COL25A1: variants seen among roughly 807,000 people sequenced by gnomAD.
COL25A1 encodes the protein collagen alpha-1(XXV) chain.
COL25A1 carries 103 observed loss-of-function variants against 128.4 expected under a neutral mutation model. The observed-to-expected ratio is 0.80, with a 90% CI of 0.68 to 0.94. The LOEUF is 0.94. COL25A1 is among the 40% of genes least tolerant of loss of function. The pLI is 0.00. For synonymous variants in COL25A1, 279 were observed against 277.2 expected (o/e 1.01, Z -0.06); for missense variants, 745 against 840.0 (o/e 0.89, Z 1.40).
intron 3 of COL25A1, among the ~76,000 whole-genome samples, chr4:109,211,290 C>CATA: frequency 9.8e-6 from 1 of 102,546 alleles, no homozygotes; most frequent in East Asian, 3.4e-4. Flanking sequence ...ATATATGAAA[C>CATA]TATATATATA....
intron 8 of COL25A1, among the ~76,000 whole-genome samples, chr4:108,949,844 C>A (rs1749198753): frequency 6.6e-6 from 1 of 152,136 alleles, no homozygotes; most frequent in Admixed American, 6.6e-5. Context: ...CCCATATCTT[C>A]CATAAATTTT....
At chr4:109,026,100 GCACACACACACA>G (rs56718544) in intron 5 of COL25A1, among the ~76,000 whole-genome samples, 11 of 137,158 alleles carry the variant, frequency 8.0e-5, no homozygotes, top group Non-Finnish European at 9.5e-5. Context: ...AAAACACTTT[GCACACACACACA>G]CACACACACA....
At chr4:108,873,113 G>C (rs1012536331) in intron 19 of COL25A1, among the ~76,000 whole-genome samples, 1 of 151,920 alleles carries the variant, frequency 6.6e-6, no homozygotes, top group East Asian at 1.9e-4. Context: ...GGCTGGTCTC[G>C]AACTCCTGGC....
chr4:108,963,110 C>T (rs2125972745), intron 8 of COL25A1, among the ~76,000 whole-genome samples: 1 of 152,314 alleles, frequency 6.6e-6, no homozygotes, highest in Admixed American at 6.5e-5. Context: ...CCCTGAACAT[C>T]ATCTGTCAAT....
chr4:109,093,547 G>T (rs1047092272), intron 3 of COL25A1, among the ~76,000 whole-genome samples: 8 of 151,816 alleles, frequency 5.3e-5, no homozygotes, highest in Non-Finnish European at 7.4e-5. Flanking sequence ...TGAGGTGAGA[G>T]GATTGCCTGA....
rs369566390 is a variant in COL25A1, at chr4:109,168,375, G to C, written c.368-118196C>G. On this transcript the variant is annotated intron_variant, in intron 3 of 37. Coordinates refer to ENST00000399132, the MANE Select transcript of COL25A1 (RefSeq NM_198721.4). ...AAAGCAACTACCAGCAACAGAGTTG[G>C]GGTATTAGCTAGTACACTTTGTAAA... is the stretch of plus-strand genomic sequence containing the variant. Among the ~76,000 whole-genome samples the C allele has an allele frequency of 3.9e-5, 6 of 152,172 alleles. No individual in the cohort carries two copies. In the East Asian group the frequency reaches 7.7e-4, roughly 20 times the overall value.
chr4:109,153,231 C>T (rs150937926), intron 3 of COL25A1, among the ~76,000 whole-genome samples: 1 of 151,140 alleles, frequency 6.6e-6, no homozygotes, highest in African/African-American at 2.4e-5. Context: ...ACTAAAAATA[C>T]AAAATTAGCT....
In COL25A1 at chr4:109,222,097, C is replaced by G. The variant is rs934565359; in HGVS notation, c.367+78486G>C. 3.4e-5 allele frequency among the ~76,000 whole-genome samples: 4 copies of G among 117,442 alleles called. No homozygotes were observed. In the East Asian group the frequency reaches 1.1e-3, roughly 33 times the overall value. 77.0% of individuals were successfully genotyped at this position (117,442 alleles called of 152,430 possible). ...TTTTTTTTTTTGAGATGGAGTCTCTCTCTGTCACCAGGCTGGAGTGCAATG... is the reference window on the plus strand; with the variant it reads ...TTTTTTTTTTTGAGATGGAGTCTCTGTCTGTCACCAGGCTGGAGTGCAATG... On this transcript the variant is annotated intron_variant, in intron 3 of 37. Coordinates refer to ENST00000399132, the MANE Select transcript of COL25A1 (RefSeq NM_198721.4).
At chr4:109,119,096 A>G (rs1267462776) in intron 3 of COL25A1, among the ~76,000 whole-genome samples, 1 of 152,050 alleles carries the variant, frequency 6.6e-6, no homozygotes, top group Non-Finnish European at 1.5e-5. Flanking sequence ...TAAACAATAT[A>G]CTTCTAAATA....
rs772260651 is a variant in COL25A1, at chr4:109,246,016, C to CAAAA, written c.367+54563_367+54566dup. Among the ~76,000 whole-genome samples the CAAAA allele has an allele frequency of 4.8e-3, 315 of 65,580 alleles. 3 individuals are homozygous for CAAAA. Among genetic ancestry groups the CAAAA allele is most frequent in the African/African-American group, 0.014 (284 of 20,026 alleles). 43.0% of individuals were successfully genotyped at this position (65,580 alleles called of 152,430 possible). ...CTCTAGTTGCTTTTTTGTTAAAAAG[C>CAAAA]AAAAAAAAAAAAAAAAAAAATTTAA... is the stretch of plus-strand genomic sequence containing the variant. On this transcript the variant is annotated intron_variant, in intron 3 of 37. Coordinates refer to ENST00000399132, the MANE Select transcript of COL25A1 (RefSeq NM_198721.4).
At position 108,824,222 on chromosome 4, in the gene COL25A1, G is replaced by C. The variant is rs766049644; in HGVS notation, c.1797C>G (p.Phe599Leu). The C allele has an allele frequency of 1.7e-5, 27 of 1,611,296 alleles. No individual in the cohort carries two copies. The Middle Eastern group carries it at 5.0e-4, about 30-fold the overall frequency. The change falls in exon 35 of 38, where the codon TTC (phenylalanine) becomes TTG (leucine). Residue 599 changes from phenylalanine (F) to leucine (L), a missense_variant. Coordinates refer to ENST00000399132, the MANE Select transcript of COL25A1 (RefSeq NM_198721.4). ...CACCCTTCTCACCCCGTGGACCAGGGAAGCCCTGTAAGATAAAAAGCAAAC... is the reference window on the plus strand; with the variant it reads ...CACCCTTCTCACCCCGTGGACCAGGCAAGCCCTGTAAGATAAAAAGCAAAC... ...GKDGEPGLDG[F>L]PGPRGEKGDL...
At chr4:109,287,042 C>T (rs1578642864) in intron 3 of COL25A1, among the ~76,000 whole-genome samples, 1 of 152,108 alleles carries the variant, frequency 6.6e-6, no homozygotes, top group African/African-American at 2.4e-5. Flanking sequence ...TGCAAAGTAT[C>T]ATAATACACA....
chr4:108,868,999 G>C, intron 20 of COL25A1, 89 bp downstream of exon 20: 1 of 739,614 alleles, frequency 1.4e-6, no homozygotes, highest in Non-Finnish European at 2.2e-6. Context: ...ATAAAAGAAA[G>C]AGAAAGGAAA....
intron 3 of COL25A1, among the ~76,000 whole-genome samples, chr4:109,226,183 C>T (rs1578488875): frequency 2.6e-5 from 4 of 151,906 alleles, no homozygotes. Context: ...ATAATATGTG[C>T]ACACAGACAT....
rs573522930 is a variant in COL25A1 at position 109,160,993 on chromosome 4, A to G, written c.368-110814T>C. 5.3e-5 allele frequency among the ~76,000 whole-genome samples: 8 copies of G among 152,300 alleles called. No homozygotes were observed. The South Asian group carries it at 1.7e-3, about 32-fold the overall frequency. On this transcript the variant is annotated intron_variant, in intron 3 of 37. Transcript: ENST00000399132. The stretch of plus-strand genomic sequence containing the variant: ...ATGAAATATTTATAATAATTTACAT[A>G]GTATAACTCTTTTTCTAATTCTCTT...
intron 3 of COL25A1, among the ~76,000 whole-genome samples, chr4:109,123,552 A>T (rs1274806214): frequency 6.7e-6 from 1 of 150,310 alleles, no homozygotes; most frequent in Non-Finnish European, 1.5e-5. Context: ...AACTACATGG[A>T]AATACAAACC....
At chr4:109,017,618 A>G (rs1429118755) in intron 5 of COL25A1, among the ~76,000 whole-genome samples, 1 of 152,242 alleles carries the variant, frequency 6.6e-6, no homozygotes, top group Non-Finnish European at 1.5e-5. Flanking sequence ...AGATGAGACA[A>G]ATGCTGCTTT....
intron 3 of COL25A1, among the ~76,000 whole-genome samples, chr4:109,239,197 C>T (rs1011286539): frequency 6.6e-6 from 1 of 151,566 alleles, no homozygotes; most frequent in African/African-American, 2.4e-5. Context: ...TGTCATTGTG[C>T]AAACATCATA....
intron 21 of COL25A1, 97 bp from the exon 22 acceptor site, chr4:108,862,642 A>G (rs571284559): frequency 4.1e-6 from 4 of 979,088 alleles, no homozygotes; most frequent in Non-Finnish European, 6.4e-6. Context: ...AATGAAGAAA[A>G]ATGGAAACAC....
Sources: allele counts gnomAD v4.1 joint callset (sites outside exome capture counted in the v4.1 genomes callset), GRCh38; gene constraint gnomAD v4.1.1; transcripts MANE v1.5; gene names NCBI Gene and HGNC (gene_info 2026-07-23, HGNC 2026-07-21).